The following CMKLR1 variants were observed in gnomAD, a reference collection of about 807,000 sequenced individuals.
CMKLR1 encodes chemerin-like receptor 1.
In CMKLR1, 6 loss-of-function variants were observed where a neutral mutation model predicts 8.2. That is an observed-to-expected ratio of 0.73 (90% CI 0.40 to 1.44). CMKLR1 has a LOEUF of 1.44. CMKLR1 is among the 40% of genes most tolerant of loss of function. The pLI is 0.02. For synonymous variants in CMKLR1, 178 were observed against 181.2 expected (o/e 0.98, Z 0.14); for missense variants, 429 against 478.0 (o/e 0.90, Z 0.96).
intron 1 of CMKLR1, among the ~76,000 whole-genome samples, chr12:108,331,495 C>A (rs1892107441): frequency 6.6e-6 from 1 of 152,172 alleles, no homozygotes; most frequent in Admixed American, 6.5e-5. Context: ...ATTCGAAATT[C>A]AAGAAACAAT....
At chr12:108,333,937 G>A (rs570437789) in intron 1 of CMKLR1, among the ~76,000 whole-genome samples, 2 of 152,370 alleles carry the variant, frequency 1.3e-5, no homozygotes, top group South Asian at 2.1e-4. Context: ...TCCTGAGTCC[G>A]GCGGCAGCTC....
At chr12:108,304,459 C>T (rs754017967) in intron 2 of CMKLR1, among the ~76,000 whole-genome samples, 7 of 152,170 alleles carry the variant, frequency 4.6e-5, no homozygotes, top group Admixed American at 6.5e-5. Flanking sequence ...TTCTTTACAT[C>T]GCAAAGCACT....
chr12:108,317,223 C>T (rs1295505025), intron 2 of CMKLR1, among the ~76,000 whole-genome samples: 1 of 152,196 alleles, frequency 6.6e-6, no homozygotes, highest in Non-Finnish European at 1.5e-5. Flanking sequence ...TGAAAGCCAT[C>T]CCAAGCAGTT....
Position 108,332,760 on chromosome 12 carries a change from G to A in CMKLR1, c.-286-2553C>T, listed in dbSNP as rs552526502. ...TAAGCTCCCCCTTTTTATATGTAGAGAGTGAACCGTAAGAGAACCCTCTAA... is the reference window on the plus strand; with the variant it reads ...TAAGCTCCCCCTTTTTATATGTAGAAAGTGAACCGTAAGAGAACCCTCTAA... On this transcript the variant is annotated intron_variant, in intron 1 of 3. Transcript: ENST00000550402. 1.4e-4 allele frequency among the ~76,000 whole-genome samples: 22 copies of A among 152,170 alleles called. 1 individual carries two copies. Among genetic ancestry groups the A allele is most frequent in the African/African-American group, 5.3e-4 (22 of 41,508 alleles).
At chr12:108,334,191 C>T (rs1318651571) in intron 1 of CMKLR1, among the ~76,000 whole-genome samples, 3 of 152,238 alleles carry the variant, frequency 2.0e-5, no homozygotes, top group East Asian at 1.9e-4. Context: ...GAGAGCCAGA[C>T]GTGTAGTAGA....
In CMKLR1 at chr12:108,336,116, G is replaced by C. The variant is rs551517926; in HGVS notation, c.-287+2911C>G. 2.0e-5 allele frequency among the ~76,000 whole-genome samples: 3 copies of C among 152,282 alleles called. No individual in the cohort carries two copies. The South Asian group carries it at 6.2e-4, about 32-fold the overall frequency. ...CCCAGTGTGAACAAAGGGCAAAAAG[G>C]AAAGACTTTTAAGCACTCTAGGTTG... On this transcript the variant is annotated intron_variant, in intron 1 of 3. Transcript: ENST00000550402.
rs1455492263 is a variant in CMKLR1 at position 108,292,003 on chromosome 12, A to T, written c.960T>A (p.Gly320=). The change falls in exon 4 of 4, where the codon GGT becomes GGA. Residue 320 remains glycine (G), a synonymous_variant. Coordinates refer to ENST00000550402, the MANE Select transcript of CMKLR1 (RefSeq NM_001142343.2). Reference sequence around the variant, plus strand: ...CCACCTTGAACTTCTTGAAGTCCTGACCCATGAAAACATACAGAATGGGGT... The same window carrying T: ...CCACCTTGAACTTCTTGAAGTCCTGTCCCATGAAAACATACAGAATGGGGT... The part of the protein sequence containing the change: ...CMNPILYVFM[G]QDFKKFKVAL... 1 of 1,614,182 alleles carries T rather than the reference A, an allele frequency of 6.2e-7. No individual in the cohort carries two copies. Among genetic ancestry groups the T allele is most frequent in the Admixed American group, 1.7e-5 (1 of 60,020 alleles).
chr12:108,316,925 A>G (rs1177786443), intron 2 of CMKLR1, among the ~76,000 whole-genome samples: 1 of 152,184 alleles, frequency 6.6e-6, no homozygotes, highest in Non-Finnish European at 1.5e-5. Flanking sequence ...CAGCCTCCTG[A>G]GTAGCTAGGA....
chr12:108,326,373 C>T (rs1208498145), intron 2 of CMKLR1, among the ~76,000 whole-genome samples: 2 of 152,174 alleles, frequency 1.3e-5, no homozygotes, highest in African/African-American at 4.8e-5. Context: ...ATCCTGCTCC[C>T]AAAACTTCCA....
At chr12:108,336,416 G>A (rs1892225510) in intron 1 of CMKLR1, among the ~76,000 whole-genome samples, 1 of 152,100 alleles carries the variant, frequency 6.6e-6, no homozygotes, top group African/African-American at 2.4e-5. Flanking sequence ...CGGGGTGGTG[G>A]GTGCCTGTAG....
rs1188294740 is a variant in CMKLR1 at position 108,293,635 on chromosome 12, C to G, written c.-44G>C. The G allele has an allele frequency of 6.7e-7, 1 of 1,497,070 alleles. No individual in the cohort carries two copies. The highest frequency in any genetic ancestry group is 1.4e-5 in the African/African-American group (1 of 69,022). The allele number at this position is 1,497,070 out of a possible 1,614,324, so 92.7% of individuals were successfully genotyped here. The stretch of plus-strand genomic sequence containing the variant: ...CAGCTCTCCAATGTGAGTCCTCAGC[C>G]AATCAGTCCCTGTACACAGCTAGAA... On this transcript the variant is annotated 5_prime_UTR_variant, in exon 3 of 4. Transcript: ENST00000550402.
At chr12:108,312,835 T>C (rs1891619971) in intron 2 of CMKLR1, among the ~76,000 whole-genome samples, 1 of 152,122 alleles carries the variant, frequency 6.6e-6, no homozygotes, top group Non-Finnish European at 1.5e-5. Context: ...GCTACCTCAC[T>C]GACTTGGGGT....
intron 2 of CMKLR1, among the ~76,000 whole-genome samples, chr12:108,309,531 A>G (rs1891496841): frequency 6.7e-6 from 1 of 150,030 alleles, no homozygotes; most frequent in African/African-American, 2.5e-5. Flanking sequence ...TGAGACCTCC[A>G]TCTCCAAAAA....
intron 2 of CMKLR1, among the ~76,000 whole-genome samples, chr12:108,328,983 C>A (rs1892044888): frequency 6.6e-6 from 1 of 152,178 alleles, no homozygotes; most frequent in Non-Finnish European, 1.5e-5. Flanking sequence ...GGGGACCCAC[C>A]ATTCAATCAA....
intron 2 of CMKLR1, among the ~76,000 whole-genome samples, chr12:108,323,268 ACT>A (rs1347613753): frequency 6.6e-6 from 1 of 151,996 alleles, no homozygotes; most frequent in African/African-American, 2.4e-5. Context: ...TGAGACATAG[ACT>A]CATCTTTTTC....
chr12:108,304,404 A>C, intron 2 of CMKLR1, among the ~76,000 whole-genome samples: 1 of 152,116 alleles, frequency 6.6e-6, no homozygotes, highest in East Asian at 1.9e-4. Flanking sequence ...TGGGCAGCAG[A>C]TATTTACCTT....
chr12:108,338,252 A>T (rs1181220784), intron 1 of CMKLR1, among the ~76,000 whole-genome samples: 1 of 152,224 alleles, frequency 6.6e-6, no homozygotes, highest in Non-Finnish European at 1.5e-5. Context: ...TATACAAAGA[A>T]CCCTTAGATA....
chr12:108,307,306 T>G (rs1010940451), intron 2 of CMKLR1, among the ~76,000 whole-genome samples: 6 of 152,202 alleles, frequency 3.9e-5, no homozygotes, highest in African/African-American at 1.4e-4. Context: ...TGTGCTGTTC[T>G]GGGTGTGGGC....
chr12:108,335,853 A>G (rs1475352818), intron 1 of CMKLR1, among the ~76,000 whole-genome samples: 1 of 152,236 alleles, frequency 6.6e-6, no homozygotes, highest in African/African-American at 2.4e-5. Context: ...ACACTTCCCC[A>G]TAAGACTTTC....
Sources: allele counts gnomAD v4.1 joint callset (sites outside exome capture counted in the v4.1 genomes callset), GRCh38; gene constraint gnomAD v4.1.1; transcripts MANE v1.5; gene names NCBI Gene and HGNC (gene_info 2026-07-23, HGNC 2026-07-21).